The following FAM20A variants were observed in gnomAD, a reference collection of about 807,000 sequenced individuals.
FAM20A encodes FAM20A golgi associated secretory pathway pseudokinase.
In FAM20A, 42 loss-of-function variants were observed where a neutral mutation model predicts 52.0. The observed-to-expected ratio is 0.81, with a 90% confidence interval of 0.63 to 1.04. FAM20A has a LOEUF of 1.04. FAM20A is among the 50% of genes least tolerant of loss of function. FAM20A has a pLI of 0.00. For synonymous variants in FAM20A, 304 were observed against 298.9 expected, an observed-to-expected ratio of 1.02 and a Z score of -0.18; for missense variants, 742 against 712.7, an observed-to-expected ratio of 1.04 and a Z score of -0.47.
intron 8 of FAM20A, 44 bp downstream of exon 8, chr17:68,540,803 CAT>C: frequency 6.4e-7 from 1 of 1,559,852 alleles, no homozygotes. Context: ...ACCCTAGCCA[CAT>C]AGCAGAGCCC....
Position 68,600,269 on chromosome 17 carries a change from C to G in FAM20A, c.398G>C (p.Trp133Ser). The G allele has an allele frequency of 6.4e-7, 1 of 1,564,596 alleles. No homozygotes were observed. Among genetic ancestry groups the G allele is most frequent in the South Asian group, 1.2e-5 (1 of 85,018 alleles). The change falls in exon 1 of 11, where the codon TGG becomes TCG. Residue 133 changes from tryptophan (W) to serine (S), a missense_variant. Physicochemically the swap from Trp to Ser is radical, Grantham distance 177. Coordinates refer to ENST00000592554, the MANE Select transcript of FAM20A (RefSeq NM_017565.4). This position sits in a 1 kb window ranked among gnomAD's most constrained non-coding sequence, Gnocchi z 6.2. ...TCCCGGGCGGGGTCCTCACCTGTTC[C>G]AGCGGGCCACCTTCCTCCGGTAATA... is the stretch of plus-strand genomic sequence containing the variant. ...LRYYRRKVAR[W>S]NRRHKMYREQ...
rs1172008197 is a variant in FAM20A, at chr17:68,537,080, T to C, written c.*397A>G. On this transcript the variant is annotated 3_prime_UTR_variant, in exon 11 of 11. Coordinates refer to ENST00000592554, the MANE Select transcript of FAM20A (RefSeq NM_017565.4). This position sits in a 1 kb window ranked among gnomAD's most constrained non-coding sequence, Gnocchi z 4.2. ...GGTGTTTTGTCTGGACCAGGAGTTA[T>C]CTTTGACTTGTAGCTAGAATAAGGA... 9 of 461,004 alleles carry C rather than the reference T, an allele frequency of 2.0e-5. No individual in the cohort carries two copies. The East Asian group carries it at 5.5e-4, about 28-fold the overall frequency. The allele number at this position is 461,004 out of a possible 1,614,324, so 28.6% of individuals were successfully genotyped here.
intron 1 of FAM20A, among the ~76,000 whole-genome samples, chr17:68,580,861 A>G (rs1294576803): frequency 2.6e-5 from 4 of 152,196 alleles, no homozygotes; most frequent in Admixed American, 6.5e-5. Flanking sequence ...TATTACCACC[A>G]TTGTAAACAT....
intron 6 of FAM20A, 28 bp downstream of exon 6, chr17:68,542,666 C>G: frequency 6.4e-7 from 1 of 1,565,546 alleles, no homozygotes; most frequent in Non-Finnish European, 8.8e-7. Context: ...TACTCAGACC[C>G]GGAATATCAC....
intron 1 of FAM20A, among the ~76,000 whole-genome samples, chr17:68,583,464 C>T (rs76405255): frequency 6.6e-6 from 1 of 152,124 alleles, no homozygotes; most frequent in African/African-American, 2.4e-5. Flanking sequence ...TTTGTGGTCA[C>T]GTTGTCTTCT....
At chr17:68,560,986 TTTGTA>T (rs575298190) in intron 1 of FAM20A, among the ~76,000 whole-genome samples, 91 of 152,346 alleles carry the variant, frequency 6.0e-4, no homozygotes, top group African/African-American at 2.1e-3. Context: ...TTTGCCTATG[TTTGTA>T]TTGAGTTGTT....
chr17:68,550,214 A>G (rs1023258734), intron 4 of FAM20A, among the ~76,000 whole-genome samples: 1 of 152,140 alleles, frequency 6.6e-6, no homozygotes, highest in African/African-American at 2.4e-5. Flanking sequence ...AACAAAAGCA[A>G]TATTTCTAAA....
At chr17:68,564,320 A>C (rs952916378) in intron 1 of FAM20A, among the ~76,000 whole-genome samples, 6 of 152,228 alleles carry the variant, frequency 3.9e-5, no homozygotes, top group African/African-American at 1.4e-4. Context: ...GTAATATTCA[A>C]CCATAGAGCA....
At position 68,552,843 on chromosome 17, in the gene FAM20A, G is replaced by A. The variant is rs923936223; in HGVS notation, c.641-892C>T. Among the ~76,000 whole-genome samples, 33 of 138,594 alleles carry A rather than the reference G, an allele frequency of 2.4e-4. 1 individual carries two copies. Among genetic ancestry groups the A allele is most frequent in the Non-Finnish European group, 5.1e-4 (32 of 63,010 alleles). The allele number at this position is 138,594 out of a possible 152,430, so 90.9% of individuals were successfully genotyped here. On this transcript the variant is annotated intron_variant, in intron 3 of 10. Transcript: ENST00000592554. Reference sequence around the variant, plus strand: ...ACTACAGGCGCCCGCCACCGCGCCCGGCTAATTTTTTGTATTTTTAGTAGA... The same window carrying A: ...ACTACAGGCGCCCGCCACCGCGCCCAGCTAATTTTTTGTATTTTTAGTAGA...
chr17:68,571,989 T>TACAC (rs1320410658), intron 1 of FAM20A, among the ~76,000 whole-genome samples: 11 of 6,946 alleles, frequency 1.6e-3, no homozygotes, highest in African/African-American at 7.2e-3. Context: ...TATACATACA[T>TACAC]ATATATATAT....
chr17:68,542,994 T>C (rs558888222), intron 5 of FAM20A, among the ~76,000 whole-genome samples, 185 bp from the exon 6 acceptor site: 1 of 152,162 alleles, frequency 6.6e-6, no homozygotes, highest in Non-Finnish European at 1.5e-5. Context: ...AACCTAGGTC[T>C]AAAGGAGTGG....
intron 9 of FAM20A, 133 bp downstream of exon 9, chr17:68,539,752 C>T (rs1183192915): frequency 2.6e-5 from 21 of 812,714 alleles, no homozygotes; most frequent in African/African-American, 5.1e-5. Flanking sequence ...TGGAAGAAGC[C>T]GGGCTCGAAG....
intron 1 of FAM20A, among the ~76,000 whole-genome samples, chr17:68,573,461 T>C (rs1598053819): frequency 2.3e-5 from 1 of 43,834 alleles, no homozygotes; most frequent in Non-Finnish European, 5.9e-5. Flanking sequence ...TCTTTCTTCT[T>C]TCTTTCTTTC....
rs550349133 is a variant in FAM20A, at chr17:68,550,288, G to T, written c.719+1585C>A. ...TATAAATATAAGCAGACATTCAATT[G>T]TCTCATGTACATTTCTGGAGAATTT... On this transcript the variant is annotated intron_variant, in intron 4 of 10. Coordinates refer to ENST00000592554, the MANE Select transcript of FAM20A (RefSeq NM_017565.4). Among the ~76,000 whole-genome samples, 4 of 147,036 alleles carry T rather than the reference G, an allele frequency of 2.7e-5. No individual in the cohort carries two copies. In the South Asian group the frequency reaches 8.8e-4, roughly 32 times the overall value.
Position 68,535,660 on chromosome 17 carries a change from TA to T in FAM20A, c.*1816del, listed in dbSNP as rs754252287. 2.2e-3 allele frequency: 965 copies of T among 447,510 alleles called. 8 individuals are homozygous for T. The highest frequency in any genetic ancestry group is 0.018 in the African/African-American group (889 of 49,220). The allele number at this position is 447,510 out of a possible 1,614,324, so 27.7% of individuals were successfully genotyped here. On this transcript the variant is annotated 3_prime_UTR_variant, in exon 11 of 11. Transcript: ENST00000592554. The stretch of plus-strand genomic sequence containing the variant: ...AGGTTTCTCTGTTAAAGAGTTGATT[TA>T]AAAAAAAATTTTTTTTTTTTTGTAT...
At chr17:68,542,611 T>A (rs2143507474) in intron 6 of FAM20A, 83 bp downstream of exon 6, 1 of 1,036,754 alleles carries the variant, frequency 9.6e-7, no homozygotes, top group Non-Finnish European at 1.5e-6. Context: ...CAGCAGGGTG[T>A]CAGGCCACTG....
intron 1 of FAM20A, among the ~76,000 whole-genome samples, chr17:68,573,473 TTC>T (rs1324339001): frequency 1.5e-5 from 2 of 134,910 alleles, no homozygotes; most frequent in African/African-American, 5.3e-5. Context: ...CTTTCTTTCT[TTC>T]TCTTTCTTTC....
In FAM20A at chr17:68,537,591, G is replaced by C; in HGVS notation, c.1512C>G (p.Thr504=). 1 of 1,613,604 alleles carries C rather than the reference G, an allele frequency of 6.2e-7. No individual in the cohort carries two copies. Among genetic ancestry groups the C allele is most frequent in the Non-Finnish European group, 8.5e-7 (1 of 1,179,668 alleles). ...TGCACCCCTCCACTGTCCTTAGGATGGTTTGGAGCCTTCGATCCAGGGCAA... is the reference window on the plus strand; with the variant it reads ...TGCACCCCTCCACTGTCCTTAGGATCGTTTGGAGCCTTCGATCCAGGGCAA... ...HLLALDRRLQ[T]ILRTVEGCIV... Residue 504 remains threonine (T), a synonymous_variant, in exon 11 of 11, where the codon ACC becomes ACG. Transcript: ENST00000592554. This position sits in a 1 kb window ranked among gnomAD's most constrained non-coding sequence, Gnocchi z 4.2.
At chr17:68,559,200 A>G (rs571070349) in intron 1 of FAM20A, among the ~76,000 whole-genome samples, 1 of 152,378 alleles carries the variant, frequency 6.6e-6, no homozygotes, top group Admixed American at 6.5e-5. Context: ...TACTTTGTTC[A>G]CAGAAAGGCT....
Sources: allele counts gnomAD v4.1 joint callset (sites outside exome capture counted in the v4.1 genomes callset), GRCh38; gene constraint gnomAD v4.1.1; non-coding constraint Gnocchi (gnomAD v3.1); transcripts MANE v1.5; gene names NCBI Gene and HGNC (gene_info 2026-07-23, HGNC 2026-07-21).